The following PACC1 variants were observed in gnomAD, a reference collection of about 807,000 sequenced individuals.
The protein encoded by PACC1 is proton activated chloride channel 1.
A neutral mutation model predicts 39.7 loss-of-function variants in PACC1; 34 were observed. The ratio of observed to expected loss-of-function variants is 0.86; its 90% CI spans 0.65 to 1.14. The LOEUF (loss-of-function observed/expected upper bound fraction) is 1.14. PACC1 is among the 50% of genes most tolerant of loss of function. PACC1 has a pLI of 0.00. For missense variants in PACC1, 379 were observed against 436.4 expected (o/e 0.87, Z 1.17); for synonymous variants, 127 against 160.6 (o/e 0.79, Z 1.58).
At chr1:212,382,384 G>C (rs1159145678) in intron 4 of PACC1, among the ~76,000 whole-genome samples, 42 of 152,150 alleles carry the variant, frequency 2.8e-4, no homozygotes, top group Admixed American at 2.8e-3. Context: ...TGAGGGAACA[G>C]CCAAACATTT....
At chr1:212,377,796 G>A (rs1198515687) in intron 5 of PACC1, 90 bp from the exon 6 acceptor site, 1 of 1,423,218 alleles carries the variant, frequency 7.0e-7, no homozygotes, top group Non-Finnish European at 9.6e-7. Context: ...TTTCTTTGCT[G>A]GCACAACCAG....
chr1:212,406,147 C>G (rs2166155), intron 2 of PACC1, among the ~76,000 whole-genome samples: 60,562 of 139,368 alleles, frequency 0.43, 13,750 homozygotes, highest in African/African-American at 0.58. Flanking sequence ...AAGCCCTACA[C>G]AGGCCTAGTA....
At chr1:212,404,551 C>A (rs957076645) in intron 2 of PACC1, among the ~76,000 whole-genome samples, 1 of 152,008 alleles carries the variant, frequency 6.6e-6, no homozygotes. Flanking sequence ...CCATACCATG[C>A]TATTCATGAT....
chr1:212,406,954 T>C (rs1318146406), intron 2 of PACC1, among the ~76,000 whole-genome samples: 1 of 152,202 alleles, frequency 6.6e-6, no homozygotes, highest in Non-Finnish European at 1.5e-5. Flanking sequence ...CCTCCATCTA[T>C]GCACTTCTGG....
chr1:212,397,148 T>C (rs1661557333), intron 2 of PACC1, among the ~76,000 whole-genome samples: 1 of 151,818 alleles, frequency 6.6e-6, no homozygotes, highest in Non-Finnish European at 1.5e-5. Context: ...ACTGAAAATG[T>C]TAAATAAGTG....
chr1:212,379,773 G>C, intron 5 of PACC1, 122 bp downstream of exon 5: 1 of 1,247,744 alleles, frequency 8.0e-7, no homozygotes, highest in Admixed American at 2.2e-5. Flanking sequence ...GGGCCAGTGG[G>C]TCATCTGAGA....
chr1:212,376,435 T>C (rs1247263384), intron 6 of PACC1, among the ~76,000 whole-genome samples: 1 of 152,126 alleles, frequency 6.6e-6, no homozygotes, highest in Non-Finnish European at 1.5e-5. Flanking sequence ...TTCACTAGAG[T>C]TTTCACCCTT....
In PACC1 at chr1:212,386,009, AC is replaced by A. The variant is rs1364494317; in HGVS notation, c.344-585del. On this transcript the variant is annotated intron_variant, in intron 3 of 7. Transcript: ENST00000261455. This position sits in a 1 kb window ranked among gnomAD's most constrained non-coding sequence, Gnocchi z 5.0. ...TAAGACACCAGACAGAGAAAGTAAA[AC>A]GTACAGATAAAGAAGACTCAAGCAG... 6.6e-6 allele frequency among the ~76,000 whole-genome samples: 1 copy of A among 152,104 alleles called. No homozygotes were observed. The highest frequency in any genetic ancestry group is 2.4e-5 in the African/African-American group (1 of 41,406).
At chr1:212,404,328 G>C (rs1379219578) in intron 2 of PACC1, among the ~76,000 whole-genome samples, 3 of 150,754 alleles carry the variant, frequency 2.0e-5, no homozygotes, top group African/African-American at 7.3e-5. Context: ...GGATGGTGTC[G>C]ATCTCCTGAC....
At chr1:212,390,997 T>C (rs1226329941) in intron 2 of PACC1, among the ~76,000 whole-genome samples, 3 of 152,232 alleles carry the variant, frequency 2.0e-5, no homozygotes, top group Non-Finnish European at 4.4e-5. Context: ...CCTGCCTCTG[T>C]AGGCTCCACC....
At chr1:212,371,219 G>A (rs535941812) in intron 7 of PACC1, among the ~76,000 whole-genome samples, 74 of 133,692 alleles carry the variant, frequency 5.5e-4, no homozygotes, top group Non-Finnish European at 8.5e-4. Context: ...CTCCAGCCTT[G>A]TGATAGAGCA....
In PACC1 at chr1:212,365,010, T is replaced by G. The variant is rs904579913; in HGVS notation, c.*205A>C. On this transcript the variant is annotated 3_prime_UTR_variant, in exon 8 of 8. Transcript: ENST00000261455. ...ATAATTTAAATATTTAAATAACTTG[T>G]AGGTTTATCCATTAGTCTCTTCTAT... 1 of 377,758 alleles carries G rather than the reference T, an allele frequency of 2.6e-6. No homozygotes were observed. The allele number at this position is 377,758 out of a possible 1,614,324, so 23.4% of individuals were successfully genotyped here.
intron 2 of PACC1, among the ~76,000 whole-genome samples, chr1:212,388,925 GCC>G (rs1661203499): frequency 2.6e-5 from 4 of 152,142 alleles, no homozygotes; most frequent in Admixed American, 6.5e-5. Flanking sequence ...CTGAACGTAA[GCC>G]CCAAAAGGTA....
chr1:212,386,533 G>A lies in PACC1; in HGVS notation c.343+358C>T, dbSNP rs1451957560. On this transcript the variant is annotated intron_variant, in intron 3 of 7. Transcript: ENST00000261455. The surrounding 1 kb of genome is among the most constrained non-coding windows in gnomAD (Gnocchi z 5.0). ...AGCCAAGTTAGTCTCATCCTCTCCA[G>A]AGAAGCCCTCTGCCTCCCTAGACAC... Among the ~76,000 whole-genome samples the A allele has an allele frequency of 1.3e-5, 2 of 152,020 alleles. No homozygotes were observed. The highest frequency in any genetic ancestry group is 2.9e-5 in the Non-Finnish European group (2 of 68,020).
chr1:212,381,695 G>GCACACA (rs58078220), intron 4 of PACC1, among the ~76,000 whole-genome samples: 2,449 of 122,794 alleles, frequency 0.02, 29 homozygotes, highest in Non-Finnish European at 0.03. Flanking sequence ...CACACACACT[G>GCACACA]CACACACACA....
At chr1:212,407,831 T>C (rs191493914) in intron 2 of PACC1, among the ~76,000 whole-genome samples, 43 of 152,216 alleles carry the variant, frequency 2.8e-4, no homozygotes, top group African/African-American at 1.0e-3. Context: ...TCCCAGCACT[T>C]TGGGAGGCTG....
At chr1:212,403,215 A>G (rs1450619452) in intron 2 of PACC1, among the ~76,000 whole-genome samples, 1 of 152,224 alleles carries the variant, frequency 6.6e-6, no homozygotes, top group East Asian at 1.9e-4. Context: ...GCATTATGGT[A>G]TGGAATTATG....
At chr1:212,394,987 A>G (rs1024162679) in intron 2 of PACC1, among the ~76,000 whole-genome samples, 3 of 152,374 alleles carry the variant, frequency 2.0e-5, no homozygotes, top group Admixed American at 6.5e-5. Flanking sequence ...GGAAGAATCA[A>G]TATCATGAAC....
At chr1:212,383,729 G>A (rs763372281) in intron 4 of PACC1, among the ~76,000 whole-genome samples, 1 of 152,154 alleles carries the variant, frequency 6.6e-6, no homozygotes, top group African/African-American at 2.4e-5. Flanking sequence ...TCCCTTGCAT[G>A]GGAAAGCTAA....
Sources: allele counts gnomAD v4.1 joint callset (sites outside exome capture counted in the v4.1 genomes callset), GRCh38; gene constraint gnomAD v4.1.1; non-coding constraint Gnocchi (gnomAD v3.1); transcripts MANE v1.5; gene names NCBI Gene and HGNC (gene_info 2026-07-23, HGNC 2026-07-21).